LETM1: variants seen among roughly 807,000 people sequenced by gnomAD.
LETM1 encodes mitochondrial proton/calcium exchanger protein.
A neutral mutation model predicts 74.5 loss-of-function variants in LETM1; 50 were observed. The ratio of observed to expected loss-of-function variants is 0.67; its 90% confidence interval spans 0.53 to 0.85. The LOEUF (loss-of-function observed/expected upper bound fraction) is 0.85, where lower values mean the gene tolerates loss of function less well. LETM1 is among the 40% of genes least tolerant of loss of function. LETM1 has a pLI of 0.00. For synonymous variants in LETM1, 446 were observed against 407.1 expected, an observed-to-expected ratio of 1.10 and a Z score of -1.15; for missense variants, 824 against 967.8, an observed-to-expected ratio of 0.85 and a Z score of 1.97.
intron 4 of LETM1, among the ~76,000 whole-genome samples, chr4:1,835,462 C>T (rs1365131199): frequency 6.7e-6 from 1 of 149,564 alleles, no homozygotes; most frequent in African/African-American, 2.6e-5. Context: ...AAAAACAAAA[C>T]AAAAACAAAC....
chr4:1,812,616 AG>A lies in LETM1; in HGVS notation c.*1807del, dbSNP rs1271847661. On this transcript the variant is annotated 3_prime_UTR_variant, in exon 14 of 14. Coordinates refer to ENST00000302787, the MANE Select transcript of LETM1 (RefSeq NM_012318.3). ...CACCCAGACACCACTTTTAGGTGCA[AG>A]AAGAAAGGTCAGGACATAGAGAAAA... 1 of 152,296 alleles carries A rather than the reference AG, an allele frequency of 6.6e-6. No individual in the cohort carries two copies. The highest frequency in any genetic ancestry group is 1.5e-5 in the Non-Finnish European group (1 of 68,052). The allele number at this position is 152,296 out of a possible 1,614,324, so 9.4% of individuals were successfully genotyped here.
At chr4:1,825,074 G>A (rs1180622777) in intron 7 of LETM1, among the ~76,000 whole-genome samples, 2 of 152,188 alleles carry the variant, frequency 1.3e-5, no homozygotes, top group Non-Finnish European at 2.9e-5. Context: ...AGTGGCTGGG[G>A]CTGTCACTTT....
At chr4:1,832,532 A>G (rs903793901) in intron 6 of LETM1, among the ~76,000 whole-genome samples, 4 of 152,160 alleles carry the variant, frequency 2.6e-5, no homozygotes, top group Non-Finnish European at 4.4e-5. Flanking sequence ...ATCTGACGAA[A>G]TCCAAACAGA....
chr4:1,818,716 A>G (rs1157682948), intron 11 of LETM1, among the ~76,000 whole-genome samples: 1 of 152,208 alleles, frequency 6.6e-6, no homozygotes, highest in Non-Finnish European at 1.5e-5. Flanking sequence ...GAAAAAAGCC[A>G]CTTTCACGTA....
chr4:1,838,747 A>G (rs1712576826), intron 3 of LETM1, among the ~76,000 whole-genome samples: 1 of 152,184 alleles, frequency 6.6e-6, no homozygotes, highest in South Asian at 2.1e-4. Flanking sequence ...GCTAGAAACC[A>G]TGAGGTGTTC....
At chr4:1,824,063 C>T (rs962243341) in intron 7 of LETM1, among the ~76,000 whole-genome samples, 3 of 152,320 alleles carry the variant, frequency 2.0e-5, no homozygotes, top group Admixed American at 2.0e-4. Context: ...TGGCTCACGC[C>T]TGTAATCCCA....
At chr4:1,853,368 C>T (rs879723658) in intron 1 of LETM1, among the ~76,000 whole-genome samples, 1 of 152,258 alleles carries the variant, frequency 6.6e-6, no homozygotes, top group African/African-American at 2.4e-5. Flanking sequence ...ACAAACACCA[C>T]TTCAGCCTAC....
At chr4:1,825,785 G>T in intron 6 of LETM1, 102 bp from the exon 7 acceptor site, 1 of 1,380,552 alleles carries the variant, frequency 7.2e-7, no homozygotes, top group Non-Finnish European at 9.9e-7. Flanking sequence ...ATTTTGCCAA[G>T]CAAGAATCAA....
chr4:1,850,937 CAAA>C (rs562023023), intron 1 of LETM1, among the ~76,000 whole-genome samples: 18 of 80,074 alleles, frequency 2.2e-4, no homozygotes, highest in Admixed American at 5.9e-4. Flanking sequence ...CCATTGCACT[CAAA>C]AAAAAAAAAA....
intron 1 of LETM1, among the ~76,000 whole-genome samples, chr4:1,855,431 G>A (rs1713206917): frequency 6.6e-6 from 1 of 152,194 alleles, no homozygotes; most frequent in Non-Finnish European, 1.5e-5. Context: ...ATCAGTGACG[G>A]ACCAGGAAGG....
chr4:1,816,301 TCA>T (rs1711566589), intron 12 of LETM1, among the ~76,000 whole-genome samples: 1 of 152,310 alleles, frequency 6.6e-6, no homozygotes, highest in East Asian at 1.9e-4. Flanking sequence ...CAGAAGGGAC[TCA>T]CAAAACGGCA....
intron 3 of LETM1, among the ~76,000 whole-genome samples, chr4:1,838,877 A>G (rs1712581276): frequency 6.6e-6 from 1 of 152,154 alleles, no homozygotes; most frequent in Non-Finnish European, 1.5e-5. Flanking sequence ...TCACAGAAGC[A>G]AACAATATCT....
chr4:1,844,699 G>C lies in LETM1; in HGVS notation c.144-2902C>G, dbSNP rs533645228. 5.9e-5 allele frequency among the ~76,000 whole-genome samples: 9 copies of C among 151,544 alleles called. No homozygotes were observed. The South Asian group carries it at 1.7e-3, about 28-fold the overall frequency. On this transcript the variant is annotated intron_variant, in intron 2 of 13. Coordinates refer to ENST00000302787, the MANE Select transcript of LETM1 (RefSeq NM_012318.3). ...GGAGGCAGAGGCTACAGTGAGCCGAGATTGTGCCACTGCACTCCAGCCTAG... is the reference window on the plus strand; with the variant it reads ...GGAGGCAGAGGCTACAGTGAGCCGACATTGTGCCACTGCACTCCAGCCTAG...
chr4:1,841,041 T>C (rs1203425771), intron 3 of LETM1, among the ~76,000 whole-genome samples: 1 of 152,164 alleles, frequency 6.6e-6, no homozygotes, highest in Non-Finnish European at 1.5e-5. Flanking sequence ...TTTCAAGCAA[T>C]CTATAGAGTG....
intron 8 of LETM1, 104 bp downstream of exon 8, chr4:1,823,540 G>T: frequency 7.0e-7 from 1 of 1,433,082 alleles, no homozygotes; most frequent in Non-Finnish European, 9.7e-7. Context: ...CAGGCTCCTC[G>T]CCCATGGTTG....
intron 7 of LETM1, among the ~76,000 whole-genome samples, chr4:1,824,398 G>A (rs1711907841): frequency 6.6e-6 from 1 of 152,176 alleles, no homozygotes; most frequent in Non-Finnish European, 1.5e-5. Flanking sequence ...GTCAGCACTC[G>A]GGCCCTTGCA....
intron 10 of LETM1, among the ~76,000 whole-genome samples, chr4:1,821,363 A>C (rs2108837542): frequency 6.6e-6 from 1 of 151,162 alleles, no homozygotes; most frequent in South Asian, 2.1e-4. Context: ...AAATGCTGGG[A>C]TTACAGGCGT....
At chr4:1,837,895 CAG>C (rs765809981) in intron 3 of LETM1, among the ~76,000 whole-genome samples, 113 of 151,732 alleles carry the variant, frequency 7.4e-4, no homozygotes, top group Non-Finnish European at 1.0e-3. Flanking sequence ...TTGGTAGAGA[CAG>C]GGTTTCACTA....
chr4:1,816,024 A>G (rs1420780383), intron 12 of LETM1, among the ~76,000 whole-genome samples: 1 of 152,268 alleles, frequency 6.6e-6, no homozygotes, highest in Non-Finnish European at 1.5e-5. Flanking sequence ...CACCAGGTCC[A>G]GGGTTTCCAC....
Sources: gnomAD v4.1 joint callset for allele counts (sites outside exome capture counted in the v4.1 genomes callset) on GRCh38, gnomAD v4.1.1 for gene constraint, MANE v1.5 for transcripts, NCBI Gene and HGNC (gene_info 2026-07-23, HGNC 2026-07-21) for gene names.